Variants in ARSF observed in about 807,000 individuals in gnomAD.
The protein encoded by ARSF is arylsulfatase F.
A neutral mutation model predicts 35.4 loss-of-function variants in ARSF; 33 were observed. That is an observed-to-expected ratio of 0.93 (90% confidence interval 0.71 to 1.25). The LOEUF is 1.25. Ranked by LOEUF, ARSF falls within the 50% of genes most tolerant of loss-of-function variation. ARSF has a pLI of 0.00. For synonymous variants in ARSF, 222 were observed against 193.1 expected (o/e 1.15, Z -1.24); for missense variants, 501 against 480.2 (o/e 1.04, Z -0.40).
At chrX:3,066,476 C>A (rs2090066810) in intron 1 of ARSF, among the ~76,000 whole-genome samples, 1 of 111,722 alleles carries the variant, frequency 9.0e-6, no homozygotes, top group African/African-American at 3.3e-5. Context: ...GAGGTCACCG[C>A]AACACAAGGG....
Position 3,109,608 on chromosome X carries a change from GC to G in ARSF, c.1266-514del, listed in dbSNP as rs755425846. ...TCCTCCCTCCCTCCTGCTTTTCGGA[GC>G]CCCCCAGTGTCTAATGTTCCCATCT... On this transcript the variant is annotated intron_variant, in intron 9 of 10. Coordinates refer to ENST00000381127, the MANE Select transcript of ARSF (RefSeq NM_001201539.2). 2.3e-3 allele frequency among the ~76,000 whole-genome samples: 249 copies of G among 110,288 alleles called. 1 individual carries two copies. Among genetic ancestry groups the G allele is most frequent in the Non-Finnish European group, 2.7e-3 (144 of 52,814 alleles).
intron 1 of ARSF, among the ~76,000 whole-genome samples, chrX:3,065,435 A>AAAAT (rs769293147): frequency 0.02 from 2,136 of 107,946 alleles, 54 homozygotes; most frequent in African/African-American, 0.062. Flanking sequence ...AAGTATAATA[A>AAAAT]AAATAAATAA....
intron 3 of ARSF, among the ~76,000 whole-genome samples, chrX:3,073,687 A>G (rs901001760): frequency 9.9e-6 from 1 of 101,248 alleles, no homozygotes; most frequent in Non-Finnish European, 2.0e-5. Context: ...ATTAATAAAT[A>G]TATATTATAA....
chrX:3,099,512 T>G lies in ARSF; in HGVS notation c.968-1575T>G, dbSNP rs994690900. On this transcript the variant is annotated intron_variant, in intron 7 of 10. Transcript: ENST00000381127. ...GTATCATCTAGAATGTCCCTTGAAT[T>G]GGGTTGGTTTGACATTTCCTTCAAT... 2.7e-5 allele frequency among the ~76,000 whole-genome samples: 3 copies of G among 111,207 alleles called. No individual in the cohort carries two copies. In the Admixed American group the frequency reaches 2.9e-4, roughly 11 times the overall value.
At chrX:3,097,261 A>G (rs756844097) in intron 7 of ARSF, among the ~76,000 whole-genome samples, 4 of 112,449 alleles carry the variant, frequency 3.6e-5, no homozygotes, top group Non-Finnish European at 7.5e-5. Context: ...GAAACAAAAC[A>G]AAAATTGGAA....
At chrX:3,047,643 C>G (rs2089980832) in intron 1 of ARSF, among the ~76,000 whole-genome samples, 2 of 110,151 alleles carry the variant, frequency 1.8e-5, no homozygotes, top group East Asian at 5.7e-4. Flanking sequence ...AGGTAAACAC[C>G]ACTACAAGGT....
At chrX:3,075,997 C>T (rs1317249739) in intron 3 of ARSF, among the ~76,000 whole-genome samples, 1 of 106,944 alleles carries the variant, frequency 9.4e-6, no homozygotes, top group East Asian at 3.0e-4. Context: ...CTTTTTCCAC[C>T]TCTCTTTCTG....
intron 7 of ARSF, among the ~76,000 whole-genome samples, chrX:3,090,460 G>A (rs902990875): frequency 2.7e-5 from 3 of 111,673 alleles, no homozygotes; most frequent in Non-Finnish European, 5.6e-5. Flanking sequence ...CTTGAGCCTA[G>A]GAGTTTGAGA....
rs185488474 is a variant in ARSF at position 3,106,281 on chromosome X, G to A, written c.1265+2357G>A. Among the ~76,000 whole-genome samples the A allele has an allele frequency of 4.0e-4, 45 of 112,091 alleles. 1 individual carries two copies. Among genetic ancestry groups the A allele is most frequent in the Admixed American group, 3.6e-3 (38 of 10,543 alleles). ...AGACCTAACCTCAGCTTCACGTACA[G>A]GTCGGCGTGCCGGGTACTACTCATC... On this transcript the variant is annotated intron_variant, in intron 9 of 10. Coordinates refer to ENST00000381127, the MANE Select transcript of ARSF (RefSeq NM_001201539.2).
intron 2 of ARSF, among the ~76,000 whole-genome samples, chrX:3,069,453 A>G (rs1181661318): frequency 9.1e-6 from 1 of 109,397 alleles, no homozygotes; most frequent in Non-Finnish European, 1.9e-5. Context: ...CCTCCAGAGT[A>G]GCTGGGACTA....
At chrX:3,086,687 A>G (rs955591171) in intron 6 of ARSF, among the ~76,000 whole-genome samples, 1 of 111,278 alleles carries the variant, frequency 9.0e-6, no homozygotes, top group East Asian at 2.8e-4. Flanking sequence ...ATATGATGGC[A>G]TGCATCAGTA....
chrX:3,093,091 G>A lies in ARSF; in HGVS notation c.967+3459G>A, dbSNP rs903790853. ...TGAGGCAGGAGAATGGCGTGAACCT[G>A]GGAGGCAGAGCTTGCAGTGGCCGAG... On this transcript the variant is annotated intron_variant, in intron 7 of 10. Coordinates refer to ENST00000381127, the MANE Select transcript of ARSF (RefSeq NM_001201539.2). 4.5e-5 allele frequency among the ~76,000 whole-genome samples: 5 copies of A among 110,837 alleles called. 1 individual carries two copies. Among genetic ancestry groups the A allele is most frequent in the South Asian group, 3.9e-4 (1 of 2,573 alleles).
At chrX:3,101,246 G>T in intron 8 of ARSF, 25 bp downstream of exon 8, 1 of 1,196,541 alleles carries the variant, frequency 8.4e-7, no homozygotes, top group South Asian at 1.8e-5. Context: ...TCATGCAAGT[G>T]ATCTGGTGGT....
chrX:3,089,483 G>C lies in ARSF; in HGVS notation c.831-13G>C. On this transcript the variant is annotated splice_polypyrimidine_tract_variant and intron_variant, in intron 6 of 10. Coordinates refer to ENST00000381127, the MANE Select transcript of ARSF (RefSeq NM_001201539.2). ...TTGAAAACTCACAAGTAGTTTCATT[G>C]ATGTCTTCTCAGGCACAGTAAGGAA... 1 of 1,209,574 alleles carries C rather than the reference G, an allele frequency of 8.3e-7. No homozygotes were observed. Among genetic ancestry groups the C allele is most frequent in the South Asian group, 1.8e-5 (1 of 56,878 alleles).
At chrX:3,106,328 C>T (rs990090104) in intron 9 of ARSF, among the ~76,000 whole-genome samples, 2 of 112,248 alleles carry the variant, frequency 1.8e-5, no homozygotes, top group Non-Finnish European at 3.8e-5. Context: ...TTGGTTATTC[C>T]TATGCTTGGT....
chrX:3,110,057 C>A (rs778719464), intron 9 of ARSF, 71 bp from the exon 10 acceptor site: 3 of 1,045,951 alleles, frequency 2.9e-6, no homozygotes, highest in Non-Finnish European at 3.8e-6. Context: ...CACCAAGTAC[C>A]CTTCAGGTAG....
chrX:3,076,703 C>T (rs1256642148), intron 4 of ARSF, 34 bp downstream of exon 4: 5 of 1,194,938 alleles, frequency 4.2e-6, no homozygotes, highest in Non-Finnish European at 5.6e-6. Flanking sequence ...TGGGCTCTGC[C>T]CTCATGTTAG....
chrX:3,072,848 T>C (rs1325432405), intron 3 of ARSF, among the ~76,000 whole-genome samples: 1 of 104,416 alleles, frequency 9.6e-6, no homozygotes, highest in Non-Finnish European at 1.9e-5. Flanking sequence ...ACATTTATTA[T>C]ATTACATATC....
intron 6 of ARSF, among the ~76,000 whole-genome samples, chrX:3,089,246 C>G (rs1260498772): frequency 1.8e-5 from 2 of 111,232 alleles, no homozygotes; most frequent in African/African-American, 6.5e-5. Flanking sequence ...CGCTCCCTTC[C>G]TCTCTGATTG....
Sources: gnomAD v4.1 joint callset for allele counts (sites outside exome capture counted in the v4.1 genomes callset) on GRCh38, gnomAD v4.1.1 for gene constraint, MANE v1.5 for transcripts, NCBI Gene and HGNC (gene_info 2026-07-23, HGNC 2026-07-21) for gene names.